Variants in NKAIN1 observed in about 807,000 individuals in gnomAD.
The protein encoded by NKAIN1 is sodium/potassium transporting ATPase interacting 1.
NKAIN1 carries 13 observed loss-of-function variants against 31.6 expected under a neutral mutation model. The ratio of observed to expected loss-of-function variants is 0.41; its 90% CI spans 0.27 to 0.65. The LOEUF (loss-of-function observed/expected upper bound fraction) is 0.65. Ranked by LOEUF, NKAIN1 falls within the 30% of genes least tolerant of loss-of-function variation. NKAIN1 has a pLI of 0.30. For synonymous variants in NKAIN1, 104 were observed against 109.0 expected (o/e 0.95, Z 0.28); for missense variants, 193 against 262.2 (o/e 0.74, Z 1.82).
chr1:31,189,207 C>T lies in NKAIN1; in HGVS notation c.55-1020G>A, dbSNP rs149930404. ...TGTGAGCGAGGCCATGCTAGATCACCCCGGGTCACTAGCTGACCACAGACA... is the reference window on the plus strand; with the variant it reads ...TGTGAGCGAGGCCATGCTAGATCACTCCGGGTCACTAGCTGACCACAGACA... On this transcript the variant is annotated intron_variant, in intron 1 of 6. Coordinates refer to ENST00000373736, the MANE Select transcript of NKAIN1 (RefSeq NM_024522.3). Among the ~76,000 whole-genome samples, 378 of 152,090 alleles carry T rather than the reference C, an allele frequency of 2.5e-3. 2 individuals are homozygous for T. The highest frequency in any genetic ancestry group is 8.5e-3 in the African/African-American group (354 of 41,492).
intron 1 of NKAIN1, among the ~76,000 whole-genome samples, chr1:31,205,511 G>A (rs1049012796): frequency 6.6e-6 from 1 of 151,634 alleles, no homozygotes; most frequent in African/African-American, 2.4e-5. Context: ...GTTTCACTAT[G>A]TTGGCCAGAC....
chr1:31,218,748 A>G (rs1557660189), intron 1 of NKAIN1, among the ~76,000 whole-genome samples: 1 of 152,146 alleles, frequency 6.6e-6, no homozygotes, highest in South Asian at 2.1e-4. Flanking sequence ...TGTCCCTGAT[A>G]CCAACCAGCC....
intron 1 of NKAIN1, among the ~76,000 whole-genome samples, chr1:31,194,917 G>A (rs1456467562): frequency 2.0e-5 from 3 of 150,912 alleles, no homozygotes; most frequent in East Asian, 4.0e-4. Context: ...GATTACAGGC[G>A]AGTGCCACCA....
intron 1 of NKAIN1, among the ~76,000 whole-genome samples, chr1:31,225,180 A>G (rs1569578330): frequency 3.3e-5 from 5 of 149,914 alleles, no homozygotes; most frequent in Admixed American, 3.3e-4. Context: ...GGCACCCGCC[A>G]CCACACCTGG....
intron 5 of NKAIN1, among the ~76,000 whole-genome samples, chr1:31,182,323 G>A (rs549234917): frequency 5.9e-5 from 9 of 152,280 alleles, no homozygotes; most frequent in African/African-American, 2.2e-4. Context: ...GGGGGTGCTG[G>A]GGCCAGGGAC....
rs144626802 is a variant in NKAIN1, at chr1:31,197,138, A to G, written c.55-8951T>C. ...TTTTTTTTTTTCTTTTTGAGACAGA[A>G]TCTCACTCTGCCGCCCAGGCTGGAG... On this transcript the variant is annotated intron_variant, in intron 1 of 6. Transcript: ENST00000373736. Among the ~76,000 whole-genome samples, 625 of 145,602 alleles carry G rather than the reference A, an allele frequency of 4.3e-3. 37 individuals are homozygous for G. In the East Asian group the frequency reaches 0.099, roughly 23 times the overall value.
chr1:31,225,244 T>A (rs1197203285), intron 1 of NKAIN1, among the ~76,000 whole-genome samples: 6 of 151,032 alleles, frequency 4.0e-5, no homozygotes, highest in Non-Finnish European at 8.8e-5. Flanking sequence ...GGCAGGATGG[T>A]CTTGATCTCC....
intron 1 of NKAIN1, among the ~76,000 whole-genome samples, chr1:31,238,873 C>T (rs1015302352): frequency 6.6e-6 from 1 of 152,108 alleles, no homozygotes; most frequent in African/African-American, 2.4e-5. Flanking sequence ...CCCAGGACTG[C>T]CCGGTCAGGA....
At chr1:31,201,564 T>C (rs1483802918) in intron 1 of NKAIN1, among the ~76,000 whole-genome samples, 1 of 151,950 alleles carries the variant, frequency 6.6e-6, no homozygotes, top group Non-Finnish European at 1.5e-5. Context: ...GGTTTCACCG[T>C]GTTAGCCAGG....
At chr1:31,185,021 T>C (rs1645231729) in intron 3 of NKAIN1, 1 of 522,332 alleles carries the variant, frequency 1.9e-6, no homozygotes, top group Non-Finnish European at 3.5e-6. Context: ...CCCTGGCTCA[T>C]CTTCACATGG....
chr1:31,182,915 G>A (rs1259807415), intron 4 of NKAIN1, among the ~76,000 whole-genome samples: 2 of 152,034 alleles, frequency 1.3e-5, no homozygotes, highest in Non-Finnish European at 2.9e-5. Context: ...GACAGGGCTG[G>A]CCCTTCTAGA....
chr1:31,205,600 C>A (rs553033956), intron 1 of NKAIN1, among the ~76,000 whole-genome samples: 147 of 150,868 alleles, frequency 9.7e-4, no homozygotes, highest in African/African-American at 3.4e-3. Context: ...AGCAACCACG[C>A]CCAGCCGGAC....
intron 6 of NKAIN1, 46 bp downstream of exon 6, chr1:31,181,814 C>T (rs1023636850): frequency 1.9e-6 from 3 of 1,574,616 alleles, no homozygotes; most frequent in Non-Finnish European, 2.6e-6. Context: ...CTTTTCGCAA[C>T]CCCGACGCCC....
At chr1:31,217,291 T>C (rs1229080669) in intron 1 of NKAIN1, among the ~76,000 whole-genome samples, 2 of 152,112 alleles carry the variant, frequency 1.3e-5, no homozygotes, top group East Asian at 1.9e-4. Flanking sequence ...CAGCCTCCCA[T>C]GTAGCTAGGG....
chr1:31,206,160 G>C (rs1044762857), intron 1 of NKAIN1, among the ~76,000 whole-genome samples: 1 of 150,174 alleles, frequency 6.7e-6, no homozygotes, highest in African/African-American at 2.4e-5. Context: ...GCTTGAACCC[G>C]GGATGAGGAG....
At chr1:31,234,309 C>CA (rs1191292314) in intron 1 of NKAIN1, among the ~76,000 whole-genome samples, 1 of 152,202 alleles carries the variant, frequency 6.6e-6, no homozygotes, top group Non-Finnish European at 1.5e-5. Context: ...CTTGCAGCTG[C>CA]AGCTGCTCCA....
Position 31,181,125 on chromosome 1 carries a change from G to A in NKAIN1, c.*578C>T, listed in dbSNP as rs1645193958. Reference sequence around the variant, plus strand: ...ATCCCAGTCTAGCTCAGGGAATTGAGTTAAATGAGAAGTCTAAAAGAGTCC... The same window carrying A: ...ATCCCAGTCTAGCTCAGGGAATTGAATTAAATGAGAAGTCTAAAAGAGTCC... On this transcript the variant is annotated 3_prime_UTR_variant, in exon 7 of 7. Transcript: ENST00000373736. The A allele has an allele frequency of 6.6e-6, 1 of 152,460 alleles. No individual in the cohort carries two copies. 9.4% of individuals were successfully genotyped at this position (152,460 alleles called of 1,614,324 possible). A position where few individuals can be genotyped will look rare whatever the true frequency, so the allele number is the denominator to read the frequency against.
At chr1:31,223,029 C>T (rs1239820193) in intron 1 of NKAIN1, among the ~76,000 whole-genome samples, 2 of 152,154 alleles carry the variant, frequency 1.3e-5, no homozygotes, top group Non-Finnish European at 2.9e-5. Flanking sequence ...CAGGCGGCTA[C>T]TCCTTGATGC....
intron 1 of NKAIN1, among the ~76,000 whole-genome samples, chr1:31,223,521 T>C (rs1426803978): frequency 6.6e-6 from 1 of 152,282 alleles, no homozygotes; most frequent in East Asian, 1.9e-4. Flanking sequence ...CTCCGCTTAC[T>C]GCAAGCTCCA....
Sources: gnomAD v4.1 joint callset for allele counts (sites outside exome capture counted in the v4.1 genomes callset) on GRCh38, gnomAD v4.1.1 for gene constraint, MANE v1.5 for transcripts, NCBI Gene and HGNC (gene_info 2026-07-23, HGNC 2026-07-21) for gene names.